The following ERBB4 variants were observed in gnomAD, a reference collection of about 807,000 sequenced individuals.
The protein encoded by ERBB4 is erb-b2 receptor tyrosine kinase 4.
In ERBB4, 42 loss-of-function variants were observed where a neutral mutation model predicts 158.0. That is an observed-to-expected ratio of 0.27 (90% CI 0.21 to 0.34). ERBB4 has a LOEUF of 0.34. ERBB4 is among the 10% of genes least tolerant of loss of function. The pLI is 1.00. For missense variants in ERBB4, 1,333 were observed against 1,624.1 expected (o/e 0.82, Z 3.08); for synonymous variants, 583 against 558.7 (o/e 1.04, Z -0.61).
At chr2:212,060,121 G>T (rs1232232539) in intron 2 of ERBB4, among the ~76,000 whole-genome samples, 1 of 151,350 alleles carries the variant, frequency 6.6e-6, no homozygotes, top group Non-Finnish European at 1.5e-5. Context: ...ACAAAAAAAC[G>T]AACAATTCCA....
At chr2:212,046,696 G>A (rs975228291) in intron 2 of ERBB4, among the ~76,000 whole-genome samples, 3 of 152,104 alleles carry the variant, frequency 2.0e-5, no homozygotes, top group African/African-American at 7.2e-5. Context: ...AAATCTTAAA[G>A]CCAGGAGATT....
Position 211,383,258 on chromosome 2 carries a change from A to G in ERBB4, c.*357T>C, listed in dbSNP as rs1056648344. On this transcript the variant is annotated 3_prime_UTR_variant, in exon 28 of 28. Transcript: ENST00000342788. ...CATCTGCTTTAAAAAAAAAAAAAAA[A>G]AAGAAGAGGAAGAAAGAAACAAAGA... The G allele has an allele frequency of 6.7e-5, 20 of 297,742 alleles. No homozygotes were observed. Among genetic ancestry groups the G allele is most frequent in the South Asian group, 1.9e-4 (3 of 15,614 alleles). 18.4% of individuals were successfully genotyped at this position (297,742 alleles called of 1,614,324 possible).
chr2:212,219,509 TG>T (rs2083219326), intron 1 of ERBB4, among the ~76,000 whole-genome samples: 1 of 151,394 alleles, frequency 6.6e-6, no homozygotes, highest in Admixed American at 6.6e-5. Context: ...AGATATACTA[TG>T]ATTCCAAACA....
At chr2:211,803,501 T>G (rs1372738567) in intron 3 of ERBB4, among the ~76,000 whole-genome samples, 1 of 152,000 alleles carries the variant, frequency 6.6e-6, no homozygotes, top group Non-Finnish European at 1.5e-5. Flanking sequence ...AGGAATAGAG[T>G]GAGTAGAACT....
chr2:211,771,421 C>T (rs373815846), intron 4 of ERBB4, among the ~76,000 whole-genome samples: 2 of 152,160 alleles, frequency 1.3e-5, no homozygotes, highest in Admixed American at 6.5e-5. Context: ...GAGCAGTAAG[C>T]TTGTGGGGTA....
chr2:211,584,294 T>C (rs2068196973), intron 19 of ERBB4, among the ~76,000 whole-genome samples: 2 of 152,026 alleles, frequency 1.3e-5, no homozygotes, highest in African/African-American at 4.8e-5. Context: ...ATTGTTTATA[T>C]TTCATAGGTG....
chr2:211,412,311 T>A (rs983310218), intron 25 of ERBB4, among the ~76,000 whole-genome samples: 9 of 152,196 alleles, frequency 5.9e-5, no homozygotes, highest in African/African-American at 2.2e-4. Flanking sequence ...TTCACCTTTG[T>A]TTGTGGTGGG....
At chr2:211,812,502 C>T (rs2076781795) in intron 3 of ERBB4, among the ~76,000 whole-genome samples, 1 of 152,184 alleles carries the variant, frequency 6.6e-6, no homozygotes, top group African/African-American at 2.4e-5. Flanking sequence ...GGGTCAGGGA[C>T]CCACTTGAGG....
intron 3 of ERBB4, among the ~76,000 whole-genome samples, chr2:211,837,473 A>T (rs1025228400): frequency 6.6e-6 from 1 of 152,236 alleles, no homozygotes; most frequent in Middle Eastern, 3.4e-3. Context: ...GGAAAAATTT[A>T]TAGGCAAGGA....
Position 211,379,678 on chromosome 2 carries a change from G to A in ERBB4, c.*3937C>T, listed in dbSNP as rs10932374. 0.25 allele frequency: 57,366 copies of A among 231,012 alleles called. 7,768 individuals carry two copies. Among genetic ancestry groups the A allele is most frequent in the South Asian group, 0.47 (2,583 of 5,500 alleles). The allele number at this position is 231,012 out of a possible 1,614,324, so 14.3% of individuals were successfully genotyped here. On this transcript the variant is annotated 3_prime_UTR_variant, in exon 28 of 28. Transcript: ENST00000342788. The stretch of plus-strand genomic sequence containing the variant: ...TAAATCTACATCTTATAGCATTATC[G>A]TGGTTCTGTCCAGTTATATACATGC...
intron 20 of ERBB4, among the ~76,000 whole-genome samples, chr2:211,542,061 T>C (rs1206140860): frequency 2.0e-5 from 3 of 152,002 alleles, no homozygotes; most frequent in African/African-American, 4.8e-5. Flanking sequence ...TCTGGGCTTC[T>C]TTTTGGAATA....
At chr2:211,493,249 A>G (rs2125575767) in intron 20 of ERBB4, among the ~76,000 whole-genome samples, 1 of 152,212 alleles carries the variant, frequency 6.6e-6, no homozygotes, top group Admixed American at 6.5e-5. Context: ...TTATACATCC[A>G]ACATCTTTAA....
chr2:212,035,913 T>G (rs2077001399), intron 2 of ERBB4, among the ~76,000 whole-genome samples: 1 of 152,198 alleles, frequency 6.6e-6, no homozygotes, highest in African/African-American at 2.4e-5. Flanking sequence ...ACTTGATTAC[T>G]CCTATGCTTT....
Position 212,173,292 on chromosome 2 carries a change from T to A in ERBB4, c.83-48389A>T, listed in dbSNP as rs144501457. 2.8e-3 allele frequency among the ~76,000 whole-genome samples: 426 copies of A among 152,132 alleles called. 5 individuals carry two copies. The highest frequency in any genetic ancestry group is 9.9e-3 in the African/African-American group (409 of 41,516). On this transcript the variant is annotated intron_variant, in intron 1 of 27. Coordinates refer to ENST00000342788, the MANE Select transcript of ERBB4 (RefSeq NM_005235.3). ...AAGAATAGGATAGGGACATACTATG[T>A]TAGATAAGGTATACAGGTGACTACT...
intron 16 of ERBB4, among the ~76,000 whole-genome samples, chr2:211,635,916 G>A (rs1239251300): frequency 6.6e-6 from 1 of 151,854 alleles, no homozygotes; most frequent in Non-Finnish European, 1.5e-5. Flanking sequence ...ACAACCTGTA[G>A]TCCTATAAAA....
chr2:212,003,215 A>AAGAC lies in ERBB4; in HGVS notation c.235-55600_235-55599insGTCT, dbSNP rs1559294215. ...AAAGAAAGAAAGAAAGACAGAAAGA[A>AAGAC]GGAAGGAAGGAAGGAAGGAAGGAAG... is the stretch of plus-strand genomic sequence containing the variant. On this transcript the variant is annotated intron_variant, in intron 2 of 27. Transcript: ENST00000342788. Among the ~76,000 whole-genome samples, 253 of 47,306 alleles carry AAGAC rather than the reference A, an allele frequency of 5.3e-3. 26 individuals are homozygous for AAGAC. The highest frequency in any genetic ancestry group is 0.013 in the African/African-American group (238 of 18,710). The allele number at this position is 47,306 out of a possible 152,430, so 31.0% of individuals were successfully genotyped here. A position where few individuals can be genotyped will look rare whatever the true frequency, so the allele number is the denominator to read the frequency against.
intron 19 of ERBB4, among the ~76,000 whole-genome samples, chr2:211,567,844 G>A (rs2067597527): frequency 6.6e-6 from 1 of 151,078 alleles, no homozygotes; most frequent in South Asian, 2.1e-4. Flanking sequence ...GGATAGGAGA[G>A]TAGATAAAGA....
intron 1 of ERBB4, among the ~76,000 whole-genome samples, chr2:212,160,226 T>C (rs1440801635): frequency 6.6e-6 from 1 of 151,954 alleles, no homozygotes; most frequent in Non-Finnish European, 1.5e-5. Flanking sequence ...GAACCCTGGA[T>C]TGGATGCTTC....
At chr2:211,972,946 A>G (rs2081496228) in intron 2 of ERBB4, among the ~76,000 whole-genome samples, 1 of 152,198 alleles carries the variant, frequency 6.6e-6, no homozygotes, top group South Asian at 2.1e-4. Flanking sequence ...CAGCAAAAGA[A>G]ACTATCAACA....
Sources: gnomAD v4.1 joint callset for allele counts (sites outside exome capture counted in the v4.1 genomes callset) on GRCh38, gnomAD v4.1.1 for gene constraint, MANE v1.5 for transcripts, NCBI Gene and HGNC (gene_info 2026-07-23, HGNC 2026-07-21) for gene names.